Variants in SRFBP1 observed in about 807,000 individuals in gnomAD.
SRFBP1 encodes serum response factor-binding protein 1.
Under a neutral mutation model 45.5 loss-of-function variants are expected in SRFBP1, and 47 were observed. That is an observed-to-expected ratio of 1.03 (90% CI 0.82 to 1.32). SRFBP1 has a LOEUF of 1.32. Among genes scored for constraint, SRFBP1 ranks in the 40% most tolerant of loss-of-function variants. The pLI, the probability that SRFBP1 is intolerant of heterozygous loss-of-function variation, is 0.00. For synonymous variants in SRFBP1, 203 were observed against 166.3 expected (o/e 1.22, Z -1.70); for missense variants, 621 against 484.6 (o/e 1.28, Z -2.64).
intron 2 of SRFBP1, among the ~76,000 whole-genome samples, chr5:122,045,480 T>C (rs1240868521): frequency 2.0e-5 from 3 of 152,120 alleles, no homozygotes; most frequent in Non-Finnish European, 4.4e-5. Context: ...ATTCTTTCTA[T>C]CCATGAGCAT....
At chr5:122,013,971 C>G (rs1399984834) in intron 4 of SRFBP1, among the ~76,000 whole-genome samples, 2 of 151,184 alleles carry the variant, frequency 1.3e-5, no homozygotes, top group Admixed American at 6.6e-5. Flanking sequence ...TTCTGGTGCT[C>G]TGTAGCACAG....
At chr5:122,018,434 A>T (rs1440721890) in intron 4 of SRFBP1, among the ~76,000 whole-genome samples, 3 of 152,188 alleles carry the variant, frequency 2.0e-5, no homozygotes, top group Non-Finnish European at 4.4e-5. Flanking sequence ...GTGAGTTTTG[A>T]GGGAAAGACA....
At chr5:121,979,332 T>C (rs1010985758) in intron 3 of SRFBP1, among the ~76,000 whole-genome samples, 1 of 152,200 alleles carries the variant, frequency 6.6e-6, no homozygotes, top group African/African-American at 2.4e-5. Flanking sequence ...ATATATGCTT[T>C]TTTAAAAGTT....
At chr5:121,991,475 G>A (rs942486802) in intron 3 of SRFBP1, among the ~76,000 whole-genome samples, 2 of 152,024 alleles carry the variant, frequency 1.3e-5, no homozygotes, top group Non-Finnish European at 2.9e-5. Flanking sequence ...CAGACTCTTA[G>A]GAGGATTCAG....
intron 4 of SRFBP1, among the ~76,000 whole-genome samples, chr5:122,017,912 A>G (rs188831339): frequency 5.3e-5 from 8 of 152,340 alleles, no homozygotes; most frequent in Middle Eastern, 3.4e-3. Flanking sequence ...GGTGCCTACT[A>G]TTATTACCAG....
chr5:122,008,188 C>T (rs553015184), intron 4 of SRFBP1, among the ~76,000 whole-genome samples: 1 of 151,976 alleles, frequency 6.6e-6, no homozygotes, highest in Admixed American at 6.5e-5. Flanking sequence ...TGGCCCGAAG[C>T]CTGGGGCCAT....
downstream of SRFBP1, among the ~76,000 whole-genome samples, chr5:122,032,316 C>T (rs1050452879): frequency 6.6e-6 from 1 of 150,934 alleles, no homozygotes; most frequent in East Asian, 1.9e-4. Context: ...TTCGTGAAGT[C>T]AGAGCTACAC....
chr5:122,048,164 A>G (rs976132281), intron 2 of SRFBP1, among the ~76,000 whole-genome samples: 14 of 152,168 alleles, frequency 9.2e-5, no homozygotes, highest in Non-Finnish European at 1.5e-4. Context: ...CCCATTCAGT[A>G]TGATATTGGC....
At chr5:122,049,187 C>T (rs1753923027) in intron 2 of SRFBP1, among the ~76,000 whole-genome samples, 1 of 151,984 alleles carries the variant, frequency 6.6e-6, no homozygotes, top group South Asian at 2.1e-4. Context: ...GAAGATCTAC[C>T]AAGCAAATGG....
At chr5:122,025,091 C>T (rs185831808) in intron 7 of SRFBP1, among the ~76,000 whole-genome samples, 2 of 152,098 alleles carry the variant, frequency 1.3e-5, no homozygotes, top group African/African-American at 4.8e-5. Flanking sequence ...AGGTATATCT[C>T]CTAATGCTAT....
chr5:121,994,636 G>C lies in SRFBP1; in HGVS notation c.236G>C (p.Gly79Ala). The change falls in exon 4 of 8, where the codon GGT (glycine) becomes GCT (alanine). Residue 79 changes from glycine to alanine, a missense_variant. Transcript: ENST00000339397. Reference sequence around the variant, plus strand: ...GACATAGTAACTAAATCTGCTCTTGGTGATGATATCAACTTTGAAAAAATC... The same window carrying C: ...GACATAGTAACTAAATCTGCTCTTGCTGATGATATCAACTTTGAAAAAATC... ...KPDIVTKSALGDDINFEKIFK... is the reference protein window; with the variant it reads ...KPDIVTKSALADDINFEKIFK... The C allele has an allele frequency of 6.3e-7, 1 of 1,595,980 alleles. No homozygotes were observed. Among genetic ancestry groups the C allele is most frequent in the Non-Finnish European group, 8.5e-7 (1 of 1,172,740 alleles).
intron 3 of SRFBP1, among the ~76,000 whole-genome samples, chr5:121,985,162 A>T (rs1253475982): frequency 6.6e-6 from 1 of 151,844 alleles, no homozygotes; most frequent in African/African-American, 2.4e-5. Flanking sequence ...ACTGGGATGT[A>T]TTGAAAGATG....
At chr5:121,998,740 C>G (rs955352260) in intron 4 of SRFBP1, among the ~76,000 whole-genome samples, 5 of 151,342 alleles carry the variant, frequency 3.3e-5, no homozygotes, top group South Asian at 2.1e-4. Flanking sequence ...TGTACATTTA[C>G]TCTTTGAAAG....
rs182087064 is a variant in SRFBP1 at position 121,994,960 on chromosome 5, A to T, written c.270+290A>T. 2.8e-3 allele frequency among the ~76,000 whole-genome samples: 419 copies of T among 152,222 alleles called. 1 individual carries two copies. Among genetic ancestry groups the T allele is most frequent in the Non-Finnish European group, 3.9e-3 (263 of 68,016 alleles). On this transcript the variant is annotated intron_variant, in intron 4 of 7. Coordinates refer to ENST00000339397, the MANE Select transcript of SRFBP1 (RefSeq NM_152546.3). ...ATCATACTACTTAAAACTAAGATGC[A>T]TTCAACAAGAAGAGCTAACTATCCT... is the stretch of plus-strand genomic sequence containing the variant.
chr5:122,018,817 T>C (rs1033000943), intron 4 of SRFBP1, among the ~76,000 whole-genome samples: 1 of 152,216 alleles, frequency 6.6e-6, no homozygotes, highest in Non-Finnish European at 1.5e-5. Flanking sequence ...CGTTAGATAA[T>C]TTCTAGGTCT....
chr5:121,970,507 A>G (rs1749002730), intron 1 of SRFBP1, among the ~76,000 whole-genome samples: 1 of 150,590 alleles, frequency 6.6e-6, no homozygotes, highest in Non-Finnish European at 1.5e-5. Context: ...GTATCATGAC[A>G]CTGTATAATT....
At chr5:122,072,678 A>C (rs934162429) in intron 2 of SRFBP1, among the ~76,000 whole-genome samples, 8 of 152,216 alleles carry the variant, frequency 5.3e-5, no homozygotes, top group Non-Finnish European at 8.8e-5. Context: ...TGAAAAAAAC[A>C]AATATATAAA....
intron 2 of SRFBP1, among the ~76,000 whole-genome samples, chr5:122,046,104 A>G (rs958916507): frequency 6.6e-6 from 1 of 151,992 alleles, no homozygotes; most frequent in African/African-American, 2.4e-5. Flanking sequence ...CATGCAGGTT[A>G]GTTACACATG....
intron 3 of SRFBP1, among the ~76,000 whole-genome samples, chr5:121,994,340 A>G (rs1331799129): frequency 1.3e-5 from 2 of 151,898 alleles, no homozygotes; most frequent in African/African-American, 4.8e-5. Context: ...GTGAGTCTTT[A>G]TTATATACAG....
Sources: gnomAD v4.1 joint callset for allele counts (sites outside exome capture counted in the v4.1 genomes callset) on GRCh38, gnomAD v4.1.1 for gene constraint, MANE v1.5 for transcripts, NCBI Gene and HGNC (gene_info 2026-07-23, HGNC 2026-07-21) for gene names.